EPHA7: variants seen among roughly 807,000 people sequenced by gnomAD.
EPHA7 encodes the protein EPH receptor A7, also known as ephrin type-A receptor 7.
A neutral mutation model predicts 112.6 loss-of-function variants in EPHA7; 25 were observed. The ratio of observed to expected loss-of-function variants is 0.22; its 90% confidence interval spans 0.16 to 0.31. The LOEUF is 0.31. EPHA7 is among the 10% of genes least tolerant of loss of function. The probability of loss-of-function intolerance (pLI) is 1.00; values close to 1 mark genes in which losing one functional copy is unlikely to be tolerated. For missense variants in EPHA7, 962 were observed against 1,212.6 expected, an observed-to-expected ratio of 0.79 and a Z score of 3.07; for synonymous variants, 437 against 406.5, an observed-to-expected ratio of 1.07 and a Z score of -0.90.
intron 5 of EPHA7, among the ~76,000 whole-genome samples, chr6:93,348,129 T>C (rs1775496559): frequency 6.6e-6 from 1 of 151,756 alleles, no homozygotes; most frequent in African/African-American, 2.4e-5. Flanking sequence ...CAGAAAAGGA[T>C]AGTTTTGACA....
chr6:93,286,970 C>A (rs899366769), intron 5 of EPHA7, among the ~76,000 whole-genome samples: 1 of 152,064 alleles, frequency 6.6e-6, no homozygotes, highest in Non-Finnish European at 1.5e-5. Flanking sequence ...CTTTCAATAA[C>A]ATTTAATTTC....
chr6:93,349,241 A>C (rs1218421657), intron 5 of EPHA7, among the ~76,000 whole-genome samples: 1 of 151,724 alleles, frequency 6.6e-6, no homozygotes, highest in Non-Finnish European at 1.5e-5. Flanking sequence ...AAATGTATCT[A>C]TATATATATG....
At chr6:93,305,693 T>A (rs1026488247) in intron 5 of EPHA7, among the ~76,000 whole-genome samples, 12 of 151,944 alleles carry the variant, frequency 7.9e-5, no homozygotes, top group African/African-American at 2.9e-4. Context: ...AACTACCTAG[T>A]AAATGAAAAC....
chr6:93,384,052 A>G (rs1777480869), intron 3 of EPHA7, among the ~76,000 whole-genome samples: 1 of 152,222 alleles, frequency 6.6e-6, no homozygotes, highest in South Asian at 2.1e-4. Context: ...GAAAATCAGT[A>G]TCAGGAAAGT....
At chr6:93,315,055 G>A (rs1157223110) in intron 5 of EPHA7, among the ~76,000 whole-genome samples, 24 of 146,412 alleles carry the variant, frequency 1.6e-4, no homozygotes, top group South Asian at 6.6e-4. Flanking sequence ...GTAGAGACGG[G>A]GTTTCACCGT....
intron 1 of EPHA7, among the ~76,000 whole-genome samples, chr6:93,416,550 G>A (rs931253477): frequency 2.6e-5 from 4 of 152,172 alleles, no homozygotes; most frequent in Non-Finnish European, 5.9e-5. Context: ...AAACAAAACA[G>A]AACCCGGCCC....
At chr6:93,314,144 T>C (rs1773675027) in intron 5 of EPHA7, among the ~76,000 whole-genome samples, 1 of 152,136 alleles carries the variant, frequency 6.6e-6, no homozygotes, top group Admixed American at 6.5e-5. Flanking sequence ...TTTTATAAGG[T>C]ATTAGTTCTA....
At chr6:93,406,185 A>G (rs1778711696) in intron 3 of EPHA7, among the ~76,000 whole-genome samples, 1 of 151,594 alleles carries the variant, frequency 6.6e-6, no homozygotes, top group African/African-American at 2.4e-5. Context: ...GAAAAATTTT[A>G]CATATTTGCT....
chr6:93,410,980 G>T lies in EPHA7; in HGVS notation c.353C>A (p.Thr118Asn). Residue 118 changes from threonine to asparagine, a missense_variant, in exon 3 of 17, where the codon ACT (threonine) becomes AAT (asparagine). Physicochemically the swap from Thr to Asn is moderately conservative, Grantham distance 65. Around this residue, in one of 3 missense-constraint regions of EPHA7, gnomAD observed 160 missense variants for 263.6 expected, o/e 0.61. Coordinates refer to ENST00000369303, the MANE Select transcript of EPHA7 (RefSeq NM_004440.4). This position sits in a 1 kb window ranked among gnomAD's most constrained non-coding sequence, Gnocchi z 4.0. ...DCNSLPGVLG[T>N]CKETFNLYYY... ...GTACAAATTAAATGTTTCCTTGCAA[G>T]TTCCCAGTACTCCAGGAAGACTGTT... 1 of 1,614,040 alleles carries T rather than the reference G, an allele frequency of 6.2e-7. No homozygotes were observed. Among genetic ancestry groups the T allele is most frequent in the South Asian group, 1.1e-5 (1 of 91,086 alleles).
At chr6:93,368,212 T>C (rs1776610971) in intron 3 of EPHA7, among the ~76,000 whole-genome samples, 1 of 152,148 alleles carries the variant, frequency 6.6e-6, no homozygotes, top group Non-Finnish European at 1.5e-5. Context: ...AAATTACTTA[T>C]ATAAATTATA....
intron 5 of EPHA7, among the ~76,000 whole-genome samples, chr6:93,296,315 C>T (rs778715253): frequency 6.6e-5 from 10 of 150,894 alleles, no homozygotes; most frequent in Non-Finnish European, 1.3e-4. Context: ...GAAATTACCA[C>T]CTTCTAAAAA....
At chr6:93,341,292 C>A (rs560684164) in intron 5 of EPHA7, among the ~76,000 whole-genome samples, 1 of 151,792 alleles carries the variant, frequency 6.6e-6, no homozygotes, top group African/African-American at 2.4e-5. Context: ...TCATAATTTC[C>A]AAATATACAA....
Position 93,328,135 on chromosome 6 carries a change from T to C in EPHA7, c.1324+28582A>G, listed in dbSNP as rs114879727. ...CCAGAACACTCTTCTTCCGTTTGGC[T>C]TTGCTTTCATATCTCACTCAGGCCT... On this transcript the variant is annotated intron_variant, in intron 5 of 16. Transcript: ENST00000369303. 5.0e-3 allele frequency among the ~76,000 whole-genome samples: 756 copies of C among 151,614 alleles called. 12 individuals carry two copies. Among genetic ancestry groups the C allele is most frequent in the African/African-American group, 0.018 (729 of 41,464 alleles).
chr6:93,279,534 C>T (rs901502183), intron 5 of EPHA7, among the ~76,000 whole-genome samples: 1 of 152,094 alleles, frequency 6.6e-6, no homozygotes, highest in Non-Finnish European at 1.5e-5. Flanking sequence ...GGCAAAGTTA[C>T]ATGGACTGAA....
chr6:93,372,560 T>C (rs1227623608), intron 3 of EPHA7, among the ~76,000 whole-genome samples: 1 of 152,178 alleles, frequency 6.6e-6, no homozygotes, highest in Non-Finnish European at 1.5e-5. Flanking sequence ...TAGTGTTGAA[T>C]GCTATAAAAT....
At chr6:93,370,572 A>G (rs1182014389) in intron 3 of EPHA7, among the ~76,000 whole-genome samples, 1 of 152,172 alleles carries the variant, frequency 6.6e-6, no homozygotes, top group Non-Finnish European at 1.5e-5. Context: ...AGAGTAAGCA[A>G]AAACACTGAT....
chr6:93,293,704 C>A (rs1050541044), intron 5 of EPHA7, among the ~76,000 whole-genome samples: 23 of 152,136 alleles, frequency 1.5e-4, no homozygotes, highest in Admixed American at 1.5e-3. Flanking sequence ...TCGATACTTA[C>A]AAATGTGCAG....
chr6:93,303,125 C>T (rs998352219), intron 5 of EPHA7, among the ~76,000 whole-genome samples: 22 of 152,072 alleles, frequency 1.4e-4, no homozygotes, highest in African/African-American at 4.6e-4. Context: ...GATGTTTGCC[C>T]GTGATCCTAC....
intron 3 of EPHA7, among the ~76,000 whole-genome samples, chr6:93,407,678 C>A (rs956486042): frequency 6.6e-6 from 1 of 151,874 alleles, no homozygotes; most frequent in African/African-American, 2.4e-5. Flanking sequence ...AATATTAATA[C>A]CTAATTTCAA....
Sources: allele counts gnomAD v4.1 joint callset (sites outside exome capture counted in the v4.1 genomes callset), GRCh38; gene constraint gnomAD v4.1.1; regional missense constraint gnomAD v4.1.1; non-coding constraint Gnocchi (gnomAD v3.1); transcripts MANE v1.5; gene names NCBI Gene and HGNC (gene_info 2026-07-23, HGNC 2026-07-21).